The following PSG5 variants were observed in gnomAD, a reference collection of about 807,000 sequenced individuals.
The protein encoded by PSG5 is pregnancy-specific beta-1-glycoprotein 5.
In PSG5, 53 loss-of-function variants were observed where a neutral mutation model predicts 37.7. The observed-to-expected ratio is 1.41, with a 90% CI of 1.13 to 1.77. The LOEUF is 1.77. Ranked by LOEUF, PSG5 falls within the 40% of genes most tolerant of loss-of-function variation. The pLI, the probability that PSG5 is intolerant of heterozygous loss-of-function variation, is 0.00. For synonymous variants in PSG5, 221 were observed against 155.4 expected (o/e 1.42, Z -3.14); for missense variants, 547 against 405.2 (o/e 1.35, Z -3.00).
chr19:43,176,452 T>A (rs1969014087), intron 2 of PSG5, among the ~76,000 whole-genome samples: 1 of 151,508 alleles, frequency 6.6e-6, no homozygotes, highest in Admixed American at 6.6e-5. Flanking sequence ...CCCTCCATAA[T>A]CAGTTGACTG....
At chr19:43,179,151 G>A (rs1337350409) in intron 2 of PSG5, 1 of 1,591,382 alleles carries the variant, frequency 6.3e-7, no homozygotes, top group Non-Finnish European at 8.6e-7. Flanking sequence ...GGGCTTGGGA[G>A]TTTCCACTTT....
chr19:43,175,666 C>G, intron 3 of PSG5, 197 bp from the exon 4 acceptor site: 3 of 1,388,610 alleles, frequency 2.2e-6, no homozygotes, highest in Non-Finnish European at 1.9e-6. Flanking sequence ...CAAAGTCTCC[C>G]ATGACAAGAG....
chr19:43,168,389 A>G (rs1283936833), intron 5 of PSG5, among the ~76,000 whole-genome samples, 186 bp from the exon 6 acceptor site: 3 of 151,332 alleles, frequency 2.0e-5, no homozygotes, highest in Non-Finnish European at 4.4e-5. Flanking sequence ...TTTTTTTTGA[A>G]ATGGAGTCTC....
chr19:43,168,757 A>G (rs2122192105), intron 5 of PSG5, among the ~76,000 whole-genome samples: 1 of 151,730 alleles, frequency 6.6e-6, no homozygotes, highest in Non-Finnish European at 1.5e-5. Flanking sequence ...AATGTTTTCT[A>G]CACAATTTAA....
intron 2 of PSG5, among the ~76,000 whole-genome samples, chr19:43,179,885 C>A (rs1458622392): frequency 6.6e-6 from 1 of 151,754 alleles, no homozygotes; most frequent in Non-Finnish European, 1.5e-5. Flanking sequence ...GTTCCCTGTT[C>A]TGGGTCCATG....
chr19:43,168,377 T>G (rs61192646), intron 5 of PSG5, among the ~76,000 whole-genome samples, 174 bp from the exon 6 acceptor site: 1 of 150,918 alleles, frequency 6.6e-6, no homozygotes, highest in Non-Finnish European at 1.5e-5. Flanking sequence ...TTAAAAAAAT[T>G]TTTTTTTTTG....
rs932638506 is a variant in PSG5, at chr19:43,169,694, G to A, written c.*40+361C>T. Among the ~76,000 whole-genome samples, 7 of 151,610 alleles carry A rather than the reference G, an allele frequency of 4.6e-5. 1 individual carries two copies. The highest frequency in any genetic ancestry group is 1.0e-4 in the Non-Finnish European group (7 of 67,904). On this transcript the variant is annotated intron_variant, in intron 5 of 5. Transcript: ENST00000342951. The stretch of plus-strand genomic sequence containing the variant: ...TATGCAAGGAAGGTTTCAAAGTCTG[G>A]CCACAAGAAGTCAAGCAATACTTTG...
rs1401974811 is a variant in PSG5 at position 43,175,200 on chromosome 19, C to T, written c.964+15G>A. 3.7e-6 allele frequency: 6 copies of T among 1,612,382 alleles called. No homozygotes were observed. In the South Asian group the frequency reaches 5.5e-5, roughly 15 times the overall value. ...ACCTAAAACCCTATTGCCAAGGATG[C>T]TGGGATCCACTTACCAGAGACTTCG... On this transcript the variant is annotated intron_variant, in intron 4 of 5. Transcript: ENST00000342951.
At chr19:43,173,832 A>G (rs1360963270) in intron 4 of PSG5, among the ~76,000 whole-genome samples, 1 of 151,588 alleles carries the variant, frequency 6.6e-6, no homozygotes, top group Non-Finnish European at 1.5e-5. Flanking sequence ...ATTAAACAAT[A>G]ACTTACCATT....
rs182560039 is a variant in PSG5, at chr19:43,183,199, A to C, written c.430+1583T>G. ...TGCCCCCAGTTCCACAGTCCAGGAC[A>C]AAGGAGCCCTGAGAATCCTCTGGTG... On this transcript the variant is annotated intron_variant, in intron 2 of 5. Transcript: ENST00000342951. 117 of 329,076 alleles carry C rather than the reference A, an allele frequency of 3.6e-4. 1 individual carries two copies. The East Asian group carries it at 5.2e-3, about 15-fold the overall frequency. The allele number at this position is 329,076 out of a possible 1,614,324, so 20.4% of individuals were successfully genotyped here.
At position 43,181,974 on chromosome 19, in the gene PSG5, C is replaced by A. The variant is rs1017086002; in HGVS notation, c.430+2808G>T. ...TGGGCATTGGGGACTGCAGGCCTGT[C>A]CAGCCTCTGACACCCTGGTGAGTCA... On this transcript the variant is annotated intron_variant, in intron 2 of 5. Transcript: ENST00000342951. 9.2e-5 allele frequency among the ~76,000 whole-genome samples: 14 copies of A among 151,590 alleles called. 1 individual carries two copies. The highest frequency in any genetic ancestry group is 3.4e-4 in the African/African-American group (14 of 41,120).
At position 43,179,194 on chromosome 19, in the gene PSG5, C is replaced by T. The variant is rs764050368; in HGVS notation, c.431-3046G>A. 1.3e-5 allele frequency: 21 copies of T among 1,558,202 alleles called. No homozygotes were observed. The African/African-American group carries it at 2.7e-4, about 20-fold the overall frequency. On this transcript the variant is annotated intron_variant, in intron 2 of 5. Coordinates refer to ENST00000342951, the MANE Select transcript of PSG5 (RefSeq NM_002781.4). ...ACAGAGAGAAGATTGCCCTGTGTGG[C>T]ACCTTTGATTCCTCCAAAGGCACTT...
Position 43,182,460 on chromosome 19 carries a change from A to G in PSG5, c.430+2322T>C, listed in dbSNP as rs1000879115. Among the ~76,000 whole-genome samples the G allele has an allele frequency of 1.9e-4, 29 of 151,492 alleles. 3 individuals carry two copies. On this transcript the variant is annotated intron_variant, in intron 2 of 5. Transcript: ENST00000342951. ...CCTATGACTAATGGCTCAGCCAGTC[A>G]TGTGGTCCCTACCTGGAGGCAGATT... is the stretch of plus-strand genomic sequence containing the variant.
intron 4 of PSG5, 158 bp downstream of exon 4, chr19:43,175,057 T>C (rs3950949): frequency 0.77 from 1,196,487 of 1,546,174 alleles, 470,369 homozygotes; most frequent in East Asian, 1. Flanking sequence ...AGAAGAGAGT[T>C]TGTAGAGACA....
chr19:43,186,532 T>G lies in PSG5; in HGVS notation c.-127A>C. 1.4e-6 allele frequency: 2 copies of G among 1,452,088 alleles called. No individual in the cohort carries two copies. Among genetic ancestry groups the G allele is most frequent in the Non-Finnish European group, 1.8e-6 (2 of 1,081,662 alleles). The allele number at this position is 1,452,088 out of a possible 1,614,324, so 90.0% of individuals were successfully genotyped here. A position where few individuals can be genotyped will look rare whatever the true frequency, so the allele number is the denominator to read the frequency against. On this transcript the variant is annotated 5_prime_UTR_variant, in exon 1 of 6. Transcript: ENST00000342951. ...GAGCCTCTCTCCAGGGCAGGAGCACTTCTCAGGCTCATGGGTGGGGTCAGG... is the reference window on the plus strand; with the variant it reads ...GAGCCTCTCTCCAGGGCAGGAGCACGTCTCAGGCTCATGGGTGGGGTCAGG...
intron 4 of PSG5, 109 bp downstream of exon 4, chr19:43,175,106 G>A (rs1227521132): frequency 6.3e-7 from 1 of 1,599,632 alleles, no homozygotes; most frequent in Non-Finnish European, 8.5e-7. Context: ...GGATTTGCTT[G>A]TGCCCATGGG....
At chr19:43,186,285 C>A in intron 1 of PSG5, 57 bp downstream of exon 1, 1 of 1,609,390 alleles carries the variant, frequency 6.2e-7, no homozygotes. Flanking sequence ...TCCAGGAGAC[C>A]CAATCCAGTC....
At chr19:43,173,591 C>A (rs981680119) in intron 4 of PSG5, among the ~76,000 whole-genome samples, 1 of 151,504 alleles carries the variant, frequency 6.6e-6, no homozygotes, top group Non-Finnish European at 1.5e-5. Flanking sequence ...ATCCAATAAG[C>A]CCATGCAAAG....
chr19:43,173,585 A>C (rs1968946032), intron 4 of PSG5, among the ~76,000 whole-genome samples: 1 of 151,692 alleles, frequency 6.6e-6, no homozygotes, highest in African/African-American at 2.4e-5. Context: ...ACAAATATCC[A>C]ATAAGCCCAT....
Sources: gnomAD v4.1 joint callset for allele counts (sites outside exome capture counted in the v4.1 genomes callset) on GRCh38, gnomAD v4.1.1 for gene constraint, MANE v1.5 for transcripts, NCBI Gene and HGNC (gene_info 2026-07-23, HGNC 2026-07-21) for gene names.